The following ARAP2 variants were observed in gnomAD, a reference collection of about 807,000 sequenced individuals.
ARAP2 encodes arf-GAP with Rho-GAP domain, ANK repeat and PH domain-containing protein 2.
A neutral mutation model predicts 194.5 loss-of-function variants in ARAP2; 148 were observed. The ratio of observed to expected loss-of-function variants is 0.76; its 90% CI spans 0.67 to 0.87. The LOEUF (loss-of-function observed/expected upper bound fraction) is 0.87, where lower values mean the gene tolerates loss of function less well. ARAP2 is among the 40% of genes least tolerant of loss of function. The probability of loss-of-function intolerance (pLI) is 0.00; values close to 1 mark genes in which losing one functional copy is unlikely to be tolerated. For synonymous variants in ARAP2, 695 were observed against 683.5 expected (o/e 1.02, Z -0.26); for missense variants, 2,128 against 1,989.7 (o/e 1.07, Z -1.32).
Position 36,195,331 on chromosome 4 carries a change from C to T in ARAP2, c.1488-1684G>A, listed in dbSNP as rs558018056. Among the ~76,000 whole-genome samples, 10 of 152,286 alleles carry T rather than the reference C, an allele frequency of 6.6e-5. No homozygotes were observed. The East Asian group carries it at 1.9e-3, about 29-fold the overall frequency. Reference sequence around the variant, plus strand: ...CAGTGTTAGAGCCATCTGGTTTTTACTTTTTCTAGCAACACAGGGTTCCTT... The same window carrying T: ...CAGTGTTAGAGCCATCTGGTTTTTATTTTTTCTAGCAACACAGGGTTCCTT... On this transcript the variant is annotated intron_variant, in intron 6 of 32. Transcript: ENST00000303965.
At chr4:36,027,574 A>G (rs1369996868) in intron 5 of ARAP2, among the ~76,000 whole-genome samples, 1 of 151,978 alleles carries the variant, frequency 6.6e-6, no homozygotes, top group Non-Finnish European at 1.5e-5. Flanking sequence ...GGGAAAAAAT[A>G]ACCACAACAA....
At chr4:36,237,973 C>T (rs993345703) in intron 1 of ARAP2, among the ~76,000 whole-genome samples, 8 of 152,168 alleles carry the variant, frequency 5.3e-5, no homozygotes, top group Non-Finnish European at 1.2e-4. Flanking sequence ...CAGTATAGAG[C>T]AGACTGCAAA....
downstream of ARAP2, among the ~76,000 whole-genome samples, chr4:36,061,531 C>T (rs1724439168): frequency 6.6e-6 from 1 of 152,144 alleles, no homozygotes; most frequent in Admixed American, 6.5e-5. Flanking sequence ...GAATCGCACG[C>T]CATTGTGTAT....
chr4:36,063,332 T>C (rs957489842), downstream of ARAP2, among the ~76,000 whole-genome samples: 1 of 151,216 alleles, frequency 6.6e-6, no homozygotes, highest in African/African-American at 2.4e-5. Flanking sequence ...GGGGGAGGGA[T>C]AGCATTAGGA....
intron 8 of ARAP2, among the ~76,000 whole-genome samples, chr4:36,014,225 GAAA>G (rs1183615842): frequency 0.031 from 370 of 11,854 alleles, 19 homozygotes; most frequent in African/African-American, 0.049. Context: ...AGACCCTATC[GAAA>G]GAAAGAAAGA....
downstream of ARAP2, among the ~76,000 whole-genome samples, chr4:36,063,349 C>T (rs1315521027): frequency 2.7e-5 from 4 of 149,768 alleles, no homozygotes; most frequent in Admixed American, 6.7e-5. Context: ...AGGAGAAATA[C>T]CTAATGTAAA....
intron 15 of ARAP2, among the ~76,000 whole-genome samples, chr4:36,155,985 T>C (rs1241923048): frequency 6.6e-6 from 1 of 152,042 alleles, no homozygotes; most frequent in African/African-American, 2.4e-5. Context: ...GTGATTTCCA[T>C]TTTTAAAGAT....
intron 15 of ARAP2, among the ~76,000 whole-genome samples, chr4:36,154,829 C>T (rs1394787952): frequency 3.3e-5 from 5 of 152,194 alleles, no homozygotes; most frequent in Admixed American, 2.6e-4. Flanking sequence ...CAGGTGCTTG[C>T]TTTCAGAGGC....
chr4:36,063,250 T>C (rs527856136), downstream of ARAP2, among the ~76,000 whole-genome samples: 94 of 152,114 alleles, frequency 6.2e-4, no homozygotes, highest in African/African-American at 2.2e-3. Context: ...CAGGTGGGAA[T>C]TGAACAATGA....
chr4:36,167,077 A>G (rs892258315), intron 9 of ARAP2, 30 bp from the exon 10 acceptor site: 2 of 1,192,420 alleles, frequency 1.7e-6, no homozygotes, highest in Non-Finnish European at 2.4e-6. Context: ...AAAAAACTAT[A>G]AAGAAACAAA....
At chr4:36,200,142 T>C (rs182322792) in intron 6 of ARAP2, among the ~76,000 whole-genome samples, 45 of 152,372 alleles carry the variant, frequency 3.0e-4, no homozygotes, top group East Asian at 2.5e-3. Context: ...ATTCAATTAG[T>C]TGTTTTCCAC....
At chr4:36,219,439 T>C (rs1748685534) in intron 2 of ARAP2, among the ~76,000 whole-genome samples, 1 of 152,204 alleles carries the variant, frequency 6.6e-6, no homozygotes, top group African/African-American at 2.4e-5. Context: ...ACTCCATTTA[T>C]ATAAAATTCC....
chr4:36,091,803 G>T, intron 28 of ARAP2, 78 bp downstream of exon 28: 1 of 1,437,658 alleles, frequency 7.0e-7, no homozygotes, highest in Non-Finnish European at 9.3e-7. Flanking sequence ...ACTTCCAAGA[G>T]AGATGGCTGA....
rs1718848150 is a variant in ARAP2 at position 36,107,921 on chromosome 4, A to C, written c.4157-228T>G. ...ATAACATTTACTATATAAATTAATCATGCAGGAATACCTGTTACTGAACTA... is the reference window on the plus strand; with the variant it reads ...ATAACATTTACTATATAAATTAATCCTGCAGGAATACCTGTTACTGAACTA... On this transcript the variant is annotated intron_variant, in intron 26 of 32. Transcript: ENST00000303965. Among the ~76,000 whole-genome samples, 1 of 152,016 alleles carries C rather than the reference A, an allele frequency of 6.6e-6. No individual in the cohort carries two copies. The highest frequency in any genetic ancestry group is 6.6e-5 in the Admixed American group (1 of 15,252).
chr4:36,213,174 G>A, intron 4 of ARAP2, 69 bp downstream of exon 4: 1 of 1,133,324 alleles, frequency 8.8e-7, no homozygotes, highest in Non-Finnish European at 1.3e-6. Context: ...GGAGAAAAAT[G>A]AAGAGGTACA....
chr4:36,072,263 G>T (rs1161069604), intron 32 of ARAP2, among the ~76,000 whole-genome samples: 2 of 151,988 alleles, frequency 1.3e-5, no homozygotes, highest in Non-Finnish European at 2.9e-5. Context: ...TAAAGACTCA[G>T]AAATTTTCCA....
intron 21 of ARAP2, among the ~76,000 whole-genome samples, chr4:36,125,585 G>A (rs573206532): frequency 4.6e-5 from 7 of 152,044 alleles, no homozygotes; most frequent in African/African-American, 1.7e-4. Flanking sequence ...TTTAGAGGAT[G>A]ATAGACCTCC....
intron 16 of ARAP2, among the ~76,000 whole-genome samples, chr4:36,149,307 T>A (rs1730375616): frequency 7.5e-6 from 1 of 133,392 alleles, no homozygotes; most frequent in South Asian, 2.7e-4. Context: ...ACATCAACTC[T>A]TGTCCAGTCA....
intron 13 of ARAP2, 133 bp downstream of exon 13, chr4:36,160,326 G>A: frequency 8.1e-7 from 1 of 1,231,242 alleles, no homozygotes; most frequent in Non-Finnish European, 1.0e-6. Flanking sequence ...CTGAAATAAT[G>A]TCACAAAAGG....
Sources: allele counts gnomAD v4.1 joint callset (sites outside exome capture counted in the v4.1 genomes callset), GRCh38; gene constraint gnomAD v4.1.1; transcripts MANE v1.5; gene names NCBI Gene and HGNC (gene_info 2026-07-23, HGNC 2026-07-21).